The following SAMSN1 variants were observed in gnomAD, a reference collection of about 807,000 sequenced individuals.
SAMSN1 encodes the protein SAM domain, SH3 domain and nuclear localization signals 1.
A neutral mutation model predicts 42.0 loss-of-function variants in SAMSN1; 31 were observed. That is an observed-to-expected ratio of 0.74 (90% CI 0.55 to 1.00). SAMSN1 has a LOEUF of 1.00. SAMSN1 is among the 50% of genes least tolerant of loss of function. The pLI is 0.00. For missense variants in SAMSN1, 464 were observed against 439.4 expected (o/e 1.06, Z -0.50); for synonymous variants, 178 against 151.9 (o/e 1.17, Z -1.26).
At chr21:14,553,148 G>A (rs1339097602) in intron 2 of SAMSN1, among the ~76,000 whole-genome samples, 1 of 151,228 alleles carries the variant, frequency 6.6e-6, no homozygotes, top group East Asian at 1.9e-4. Flanking sequence ...TTTTATCCTT[G>A]AGGATTTTGT....
intron 5 of SAMSN1, among the ~76,000 whole-genome samples, chr21:14,506,598 G>A (rs1246951831): frequency 6.6e-6 from 1 of 152,122 alleles, no homozygotes; most frequent in African/African-American, 2.4e-5. Flanking sequence ...ATTCACAGCA[G>A]CATTCTACCA....
intron 2 of SAMSN1, among the ~76,000 whole-genome samples, chr21:14,552,726 G>T (rs912890062): frequency 6.6e-6 from 1 of 152,080 alleles, no homozygotes; most frequent in Non-Finnish European, 1.5e-5. Flanking sequence ...TGTCCGTAAA[G>T]TTACTACCAT....
intron 2 of SAMSN1, among the ~76,000 whole-genome samples, chr21:14,624,299 A>T (rs943398742): frequency 3.9e-5 from 6 of 152,228 alleles, no homozygotes; most frequent in Admixed American, 3.9e-4. Context: ...AAGGAGATAG[A>T]GACACAAAAA....
chr21:14,630,225 C>T (rs1299562185), intron 2 of SAMSN1, among the ~76,000 whole-genome samples: 2 of 152,158 alleles, frequency 1.3e-5, no homozygotes, highest in Non-Finnish European at 2.9e-5. Context: ...AATCAGGTGT[C>T]CATGTATAAA....
At chr21:14,501,280 C>A (rs1232701568) in intron 5 of SAMSN1, among the ~76,000 whole-genome samples, 1 of 152,142 alleles carries the variant, frequency 6.6e-6, no homozygotes. Flanking sequence ...ACTGTAGAGT[C>A]TGCAGTATAA....
intron 2 of SAMSN1, among the ~76,000 whole-genome samples, chr21:14,561,646 G>C (rs1239630245): frequency 6.6e-6 from 1 of 152,132 alleles, no homozygotes; most frequent in African/African-American, 2.4e-5. Context: ...CTGACCCCCA[G>C]CACCTCAGAA....
intron 1 of SAMSN1, among the ~76,000 whole-genome samples, chr21:14,526,815 C>T (rs1978891144): frequency 6.6e-6 from 1 of 152,192 alleles, no homozygotes. Flanking sequence ...TCCTAGAATA[C>T]TGACCAGCCT....
chr21:14,605,852 A>AT (rs890748252), intron 5 of SAMSN1, among the ~76,000 whole-genome samples: 3 of 144,914 alleles, frequency 2.1e-5, no homozygotes, highest in Non-Finnish European at 4.6e-5. Context: ...TTATTTATTT[A>AT]TTTTTTTGAG....
intron 7 of SAMSN1, among the ~76,000 whole-genome samples, chr21:14,495,146 C>G (rs893823306): frequency 6.6e-6 from 1 of 152,168 alleles, no homozygotes; most frequent in African/African-American, 2.4e-5. Flanking sequence ...CTATTTTTAA[C>G]GTTTAACGTG....
At chr21:14,554,184 A>T (rs950056701) in intron 2 of SAMSN1, among the ~76,000 whole-genome samples, 11 of 152,130 alleles carry the variant, frequency 7.2e-5, no homozygotes, top group Admixed American at 6.6e-5. Flanking sequence ...TCTGTTCTTA[A>T]GTTTTGGAAA....
chr21:14,522,028 T>C (rs146131099), intron 1 of SAMSN1, among the ~76,000 whole-genome samples: 85 of 152,244 alleles, frequency 5.6e-4, no homozygotes, highest in African/African-American at 2.0e-3. Context: ...AGCATTTAGG[T>C]ATGCACAGTC....
At chr21:14,487,347 T>TTA (rs147033881) in intron 7 of SAMSN1, among the ~76,000 whole-genome samples, 6 of 150,104 alleles carry the variant, frequency 4.0e-5, no homozygotes, top group East Asian at 1.9e-4. Context: ...TATTTATTTT[T>TTA]TATATATATA....
chr21:14,635,285 C>T (rs540792338), intron 2 of SAMSN1, among the ~76,000 whole-genome samples: 84 of 152,200 alleles, frequency 5.5e-4, no homozygotes, highest in African/African-American at 1.8e-3. Context: ...CACCATGACA[C>T]GCATATACCT....
intron 2 of SAMSN1, among the ~76,000 whole-genome samples, chr21:14,578,925 C>T (rs1217594913): frequency 6.6e-6 from 1 of 152,040 alleles, no homozygotes; most frequent in Admixed American, 6.6e-5. Context: ...AAGTAACATT[C>T]ATTACAGAAG....
chr21:14,572,077 C>T lies in SAMSN1; in HGVS notation c.261+10059G>A, dbSNP rs563765756. ...CTTTGTCACCATTGTGGCCACACAG[C>T]TCAGGGAAATACCTGATATATCATC... On this transcript the variant is annotated intron_variant, in intron 2 of 8. Coordinates refer to the SAMSN1 transcript ENST00000285670. Among the ~76,000 whole-genome samples, 10 of 152,300 alleles carry T rather than the reference C, an allele frequency of 6.6e-5. No individual in the cohort carries two copies. The South Asian group carries it at 2.1e-3, about 32-fold the overall frequency.
intron 7 of SAMSN1, chr21:14,592,561 T>C (rs966352157): frequency 6.7e-6 from 2 of 298,870 alleles, no homozygotes; most frequent in East Asian, 1.9e-4. Flanking sequence ...ATCACAGGAA[T>C]TCATTGTTCC....
At chr21:14,506,316 C>G (rs1223196681) in intron 5 of SAMSN1, among the ~76,000 whole-genome samples, 1 of 151,632 alleles carries the variant, frequency 6.6e-6, no homozygotes, top group African/African-American at 2.4e-5. Context: ...AATTAATAGA[C>G]CATTAGTAAG....
intron 1 of SAMSN1, among the ~76,000 whole-genome samples, chr21:14,521,624 C>T (rs1978487055): frequency 6.6e-6 from 1 of 151,996 alleles, no homozygotes; most frequent in Non-Finnish European, 1.5e-5. Flanking sequence ...ATAACAACAA[C>T]AAAACACAAA....
intron 5 of SAMSN1, among the ~76,000 whole-genome samples, chr21:14,504,595 T>A (rs1478080763): frequency 2.0e-5 from 3 of 152,038 alleles, no homozygotes; most frequent in African/African-American, 7.2e-5. Context: ...CTCCAAGAAG[T>A]CTGGGATTAT....
Sources: allele counts gnomAD v4.1 joint callset (sites outside exome capture counted in the v4.1 genomes callset), GRCh38; gene constraint gnomAD v4.1.1; transcripts MANE v1.5; gene names NCBI Gene and HGNC (gene_info 2026-07-23, HGNC 2026-07-21).